The following ZFHX3 variants were observed in gnomAD, a reference collection of about 807,000 sequenced individuals.
ZFHX3 encodes zinc finger homeobox 3.
ZFHX3 carries 42 observed loss-of-function variants against 279.1 expected under a neutral mutation model. The observed-to-expected ratio is 0.15, with a 90% CI of 0.12 to 0.19. The LOEUF is 0.19. ZFHX3 is among the 10% of genes least tolerant of loss of function. ZFHX3 has a pLI of 1.00. For synonymous variants in ZFHX3, 2,293 were observed against 1,957.8 expected (o/e 1.17, Z -4.52); for missense variants, 4,981 against 4,754.0 (o/e 1.05, Z -1.40).
At chr16:73,114,829 G>C (rs1966413467) in intron 7 of ZFHX3, among the ~76,000 whole-genome samples, 1 of 152,182 alleles carries the variant, frequency 6.6e-6, no homozygotes, top group African/African-American at 2.4e-5. Context: ...CCTAATTTTA[G>C]TTTGTTTTTA....
chr16:73,808,738 G>C (rs1333004973), intron 1 of ZFHX3, among the ~76,000 whole-genome samples: 2 of 152,126 alleles, frequency 1.3e-5, no homozygotes, highest in Non-Finnish European at 2.9e-5. Flanking sequence ...AAGAGGCAGA[G>C]GCTTGAGTTT....
rs78703813 is a variant in ZFHX3, at chr16:73,819,081, G to A, written c.-1608+72570C>T. Among the ~76,000 whole-genome samples, 1,251 of 152,180 alleles carry A rather than the reference G, an allele frequency of 8.2e-3. 8 individuals carry two copies. The highest frequency in any genetic ancestry group is 0.02 in the Middle Eastern group (6 of 294). Reference sequence around the variant, plus strand: ...GGTGCTCCTTACGTGGGGCACTGAGGTCAATGGTACACCGTGGAGCTAGTA... The same window carrying A: ...GGTGCTCCTTACGTGGGGCACTGAGATCAATGGTACACCGTGGAGCTAGTA... On this transcript the variant is annotated intron_variant, in intron 1 of 17. Transcript: ENST00000641206.
In ZFHX3 at chr16:73,238,617, T is replaced by C. The variant is rs145603712; in HGVS notation, c.-1104+18430A>G. Among the ~76,000 whole-genome samples, 359 of 152,312 alleles carry C rather than the reference T, an allele frequency of 2.4e-3. 1 individual carries two copies. Among genetic ancestry groups the C allele is most frequent in the African/African-American group, 7.9e-3 (330 of 41,570 alleles). ...AATGCCTTCTCTGTACTATGTCTAA[T>C]TGACCTACAGAAAGTGCAAATGTGA... On this transcript the variant is annotated intron_variant, in intron 5 of 17. Coordinates refer to the ZFHX3 transcript ENST00000641206.
At position 72,788,803 on chromosome 16, in the gene ZFHX3, G is replaced by A. The variant is rs1858021070; in HGVS notation, c.9473C>T (p.Thr3158Ile). 3.2e-6 allele frequency: 5 copies of A among 1,541,950 alleles called. No individual in the cohort carries two copies. In the South Asian group the frequency reaches 3.9e-5, roughly 12 times the overall value. Residue 3158 changes from threonine (T) to isoleucine (I), a missense_variant, in exon 10 of 10, where the codon ACT becomes ATT. Physicochemically the swap from Thr to Ile is moderately conservative, Grantham distance 89. This residue lies in a region of ZFHX3 where 1,034 missense variants were observed against 786.0 expected (regional missense o/e 1.32). Coordinates refer to ENST00000268489, the MANE Select transcript of ZFHX3 (RefSeq NM_006885.4). ...AGTGGGGAGGCCAGGGGAAGGAACA[G>A]TTGTGCTGGGCAGACCCATCAAGTT... ...KPNLMGLPST[T>I]VPSPGLPTSG...
At chr16:73,408,713 G>A (rs2017411000) in intron 3 of ZFHX3, among the ~76,000 whole-genome samples, 1 of 152,132 alleles carries the variant, frequency 6.6e-6, no homozygotes, top group Non-Finnish European at 1.5e-5. Flanking sequence ...CCAGGGAGTG[G>A]CCCACAGGGT....
intron 5 of ZFHX3, among the ~76,000 whole-genome samples, chr16:73,239,045 G>A (rs6499622): frequency 0.17 from 26,433 of 152,112 alleles, 3,808 homozygotes; most frequent in East Asian, 0.44. Flanking sequence ...TGAGACACAT[G>A]GAGGCAGAGA....
chr16:72,929,703 C>A (rs1959684078), intron 3 of ZFHX3, among the ~76,000 whole-genome samples: 1 of 152,220 alleles, frequency 6.6e-6, no homozygotes, highest in Admixed American at 6.5e-5. Flanking sequence ...TAAACAGTAA[C>A]ACCTCATTCT....
rs190089226 is a variant in ZFHX3, at chr16:73,285,656, G to A, written c.-1193-28520C>T. 4.3e-4 allele frequency among the ~76,000 whole-genome samples: 66 copies of A among 152,256 alleles called. No homozygotes were observed. In the East Asian group the frequency reaches 6.6e-3, roughly 15 times the overall value. ...TATGAAGCCTCGGCTGGTCATGTCC[G>A]TCAGGGAAATATATCCCAAGATGGG... On this transcript the variant is annotated intron_variant, in intron 4 of 17. Transcript: ENST00000641206.
intron 4 of ZFHX3, among the ~76,000 whole-genome samples, chr16:73,304,287 G>A (rs2015128372): frequency 2.0e-5 from 3 of 152,172 alleles, no homozygotes; most frequent in Admixed American, 2.0e-4. Context: ...AAGTTCACAG[G>A]GGTCATGGGA....
At chr16:72,963,840 C>G (rs1198922334) in intron 1 of ZFHX3, among the ~76,000 whole-genome samples, 1 of 152,044 alleles carries the variant, frequency 6.6e-6, no homozygotes, top group South Asian at 2.1e-4. Context: ...CTCCAGCTCC[C>G]GGAGAATGAA....
intron 2 of ZFHX3, among the ~76,000 whole-genome samples, chr16:73,636,495 C>T (rs1325764727): frequency 1.3e-5 from 2 of 152,110 alleles, no homozygotes; most frequent in African/African-American, 4.8e-5. Flanking sequence ...ACATAATTGT[C>T]TACCTGATAA....
At chr16:73,414,008 C>A (rs958607911) in intron 3 of ZFHX3, among the ~76,000 whole-genome samples, 6 of 152,226 alleles carry the variant, frequency 3.9e-5, no homozygotes, top group African/African-American at 1.4e-4. Context: ...AAGGCCCTGA[C>A]AAGTCCTGCA....
At chr16:72,981,810 C>T (rs1962611116) in intron 1 of ZFHX3, among the ~76,000 whole-genome samples, 1 of 152,160 alleles carries the variant, frequency 6.6e-6, no homozygotes, top group Non-Finnish European at 1.5e-5. Flanking sequence ...CAGTCACACC[C>T]AGCACCAGCC....
chr16:73,371,905 T>A (rs1412088049), intron 3 of ZFHX3, among the ~76,000 whole-genome samples: 1 of 152,214 alleles, frequency 6.6e-6, no homozygotes, highest in Non-Finnish European at 1.5e-5. Flanking sequence ...AGTTAAGATT[T>A]TCAGTGGCTA....
chr16:72,913,305 C>G (rs879428847), intron 3 of ZFHX3, among the ~76,000 whole-genome samples: 1 of 152,200 alleles, frequency 6.6e-6, no homozygotes, highest in African/African-American at 2.4e-5. Context: ...GGATCCAAAC[C>G]ATGTCCCTGC....
At chr16:73,750,879 C>T (rs1008067872) in intron 1 of ZFHX3, among the ~76,000 whole-genome samples, 15 of 152,134 alleles carry the variant, frequency 9.9e-5, no homozygotes, top group Admixed American at 3.9e-4. Context: ...AGGAAAAGCA[C>T]AGGCGATAAA....
rs200390317 is a variant in ZFHX3, at chr16:72,959,968, G to A, written c.178C>T (p.Arg60Cys). ...GCCGACGCGGTGCTCTCCGCGAGGC[G>A]CTCATTGAAGGGGGCCCTCAGGCTG... is the stretch of plus-strand genomic sequence containing the variant. The part of the protein sequence containing the change: ...LDSLRAPFNE[R>C]LAESTASAGP... Residue 60 changes from arginine to cysteine, a missense_variant, in exon 2 of 10, where the codon CGC (arginine) becomes TGC (cysteine). Arg to Cys is a radical substitution (Grantham distance 180). Transcript: ENST00000268489. The A allele has an allele frequency of 2.1e-5, 34 of 1,610,650 alleles. No individual in the cohort carries two copies. The highest frequency in any genetic ancestry group is 1.7e-4 in the Admixed American group (10 of 59,646).
chr16:73,806,064 A>C lies in ZFHX3; in HGVS notation c.-1608+85587T>G, dbSNP rs191699120. 1.6e-4 allele frequency among the ~76,000 whole-genome samples: 24 copies of C among 152,248 alleles called. 1 individual carries two copies. The highest frequency in any genetic ancestry group is 8.5e-4 in the Admixed American group (13 of 15,284). On this transcript the variant is annotated intron_variant, in intron 1 of 17. Coordinates refer to the ZFHX3 transcript ENST00000641206. Reference sequence around the variant, plus strand: ...GAAAGGCATCTCTTCACAGGGTGGCAGGAGACAGAATGGGTGACGAGCAAA... The same window carrying C: ...GAAAGGCATCTCTTCACAGGGTGGCCGGAGACAGAATGGGTGACGAGCAAA...
intron 5 of ZFHX3, among the ~76,000 whole-genome samples, chr16:73,230,541 G>T (rs568033582): frequency 6.6e-6 from 1 of 152,202 alleles, no homozygotes; most frequent in African/African-American, 2.4e-5. Context: ...AAATGGAGGA[G>T]AAAAGTGACT....
Sources: gnomAD v4.1 joint callset for allele counts (sites outside exome capture counted in the v4.1 genomes callset) on GRCh38, gnomAD v4.1.1 for gene constraint, gnomAD v4.1.1 regional missense constraint, MANE v1.5 for transcripts, NCBI Gene and HGNC (gene_info 2026-07-23, HGNC 2026-07-21) for gene names.